Variants in KSR2 observed in about 807,000 individuals in gnomAD.
KSR2 encodes the protein kinase suppressor of ras 2.
A neutral mutation model predicts 107.8 loss-of-function variants in KSR2; 25 were observed. The ratio of observed to expected loss-of-function variants is 0.23; its 90% CI spans 0.17 to 0.32. KSR2 has a LOEUF of 0.32. Ranked by LOEUF, KSR2 falls within the 10% of genes least tolerant of loss-of-function variation. KSR2 has a pLI of 1.00. For synonymous variants in KSR2, 480 were observed against 507.0 expected, an observed-to-expected ratio of 0.95 and a Z score of 0.71; for missense variants, 887 against 1,268.9, an observed-to-expected ratio of 0.70 and a Z score of 4.57.
chr12:117,521,503 C>T (rs1565882006), intron 14 of KSR2, among the ~76,000 whole-genome samples: 1 of 152,172 alleles, frequency 6.6e-6, no homozygotes, highest in South Asian at 2.1e-4. Context: ...AATCCCATAA[C>T]GACCCAATTG....
chr12:117,825,626 A>G (rs1381847173), intron 3 of KSR2, among the ~76,000 whole-genome samples: 5 of 151,964 alleles, frequency 3.3e-5, no homozygotes, highest in African/African-American at 9.7e-5. Flanking sequence ...TCTTCACAGT[A>G]TTTGTCAGAT....
chr12:117,595,896 G>T (rs1338697573), intron 5 of KSR2, among the ~76,000 whole-genome samples: 2 of 152,210 alleles, frequency 1.3e-5, no homozygotes, highest in East Asian at 1.9e-4. Context: ...TCTCAGAAGA[G>T]GGTGTTTGAC....
chr12:117,718,673 G>GGCTTCTGA (rs1887092223), intron 4 of KSR2, among the ~76,000 whole-genome samples: 1 of 152,178 alleles, frequency 6.6e-6, no homozygotes, highest in African/African-American at 2.4e-5. Context: ...CAGGCACCCT[G>GGCTTCTGA]CCATGAAGAT....
chr12:117,567,661 CAAA>C (rs57039581), intron 7 of KSR2, among the ~76,000 whole-genome samples: 4 of 134,938 alleles, frequency 3.0e-5, no homozygotes. Context: ...AGGCTTCTCG[CAAA>C]AAAAAAAAAA....
chr12:117,817,160 A>C (rs1593265876), intron 3 of KSR2, among the ~76,000 whole-genome samples: 1 of 152,168 alleles, frequency 6.6e-6, no homozygotes, highest in Non-Finnish European at 1.5e-5. Flanking sequence ...TTCATGAAAA[A>C]GTTTCAATAA....
intron 5 of KSR2, among the ~76,000 whole-genome samples, chr12:117,657,119 C>A (rs1288206129): frequency 6.6e-6 from 1 of 151,332 alleles, no homozygotes; most frequent in African/African-American, 2.4e-5. Context: ...CAGTAAGTAT[C>A]CATCCCATTT....
chr12:117,561,615 G>T (rs1878125259), intron 7 of KSR2, among the ~76,000 whole-genome samples: 1 of 152,198 alleles, frequency 6.6e-6, no homozygotes, highest in Non-Finnish European at 1.5e-5. Context: ...GGGGGTAGGT[G>T]TGGGTAAAGT....
chr12:117,800,912 C>T (rs1193280186), intron 3 of KSR2, among the ~76,000 whole-genome samples: 2 of 152,126 alleles, frequency 1.3e-5, no homozygotes, highest in Admixed American at 1.3e-4. Flanking sequence ...TATCCATGTC[C>T]CTGCAAAGGA....
intron 13 of KSR2, among the ~76,000 whole-genome samples, chr12:117,525,440 C>T (rs1313039249): frequency 2.0e-5 from 3 of 152,170 alleles, no homozygotes; most frequent in Non-Finnish European, 1.5e-5. Context: ...TCATCCACCT[C>T]TCTTGTGCTA....
At chr12:117,605,409 C>A (rs1264177217) in intron 5 of KSR2, among the ~76,000 whole-genome samples, 2 of 152,120 alleles carry the variant, frequency 1.3e-5, no homozygotes, top group South Asian at 2.1e-4. Flanking sequence ...TTTTTAAGTT[C>A]CAGGCTACAT....
intron 1 of KSR2, among the ~76,000 whole-genome samples, chr12:117,893,885 A>G (rs1178333782): frequency 1.3e-5 from 2 of 151,632 alleles, no homozygotes; most frequent in Non-Finnish European, 2.9e-5. Flanking sequence ...CATAGCCAGA[A>G]AAATCCACAA....
At chr12:117,766,308 C>A (rs1889224265) in intron 3 of KSR2, among the ~76,000 whole-genome samples, 1 of 152,168 alleles carries the variant, frequency 6.6e-6, no homozygotes, top group Non-Finnish European at 1.5e-5. Context: ...GGTCATATAT[C>A]ATATGATTCC....
intron 4 of KSR2, among the ~76,000 whole-genome samples, chr12:117,683,255 T>C (rs1433865826): frequency 6.6e-6 from 1 of 152,302 alleles, no homozygotes; most frequent in East Asian, 1.9e-4. Flanking sequence ...ATGTTTTCTT[T>C]TTATTTTTGT....
chr12:117,811,941 G>C (rs1566027433), intron 3 of KSR2, among the ~76,000 whole-genome samples: 1 of 152,196 alleles, frequency 6.6e-6, no homozygotes, highest in Non-Finnish European at 1.5e-5. Flanking sequence ...TTAGAAAAAA[G>C]TGTGGTTATT....
At chr12:117,737,455 A>G (rs953276317) in intron 4 of KSR2, among the ~76,000 whole-genome samples, 1 of 152,126 alleles carries the variant, frequency 6.6e-6, no homozygotes, top group Non-Finnish European at 1.5e-5. Flanking sequence ...TGTCATATCT[A>G]AGAACCATCT....
intron 17 of KSR2, among the ~76,000 whole-genome samples, chr12:117,471,849 T>C (rs1305711703): frequency 6.6e-6 from 1 of 152,154 alleles, no homozygotes; most frequent in Non-Finnish European, 1.5e-5. Flanking sequence ...TGAGACTGTA[T>C]GTAGGATTTG....
chr12:117,935,591 C>A (rs1403699773), intron 1 of KSR2, among the ~76,000 whole-genome samples: 1 of 152,006 alleles, frequency 6.6e-6, no homozygotes, highest in Non-Finnish European at 1.5e-5. Flanking sequence ...TGAAACCCCA[C>A]CTCTACTAAA....
intron 1 of KSR2, among the ~76,000 whole-genome samples, chr12:117,942,552 G>A (rs1896041989): frequency 6.7e-6 from 1 of 149,742 alleles, no homozygotes; most frequent in South Asian, 2.1e-4. Context: ...GTAGTAGTGG[G>A]ATCATGGCTC....
At chr12:117,627,273 T>C (rs572806584) in intron 5 of KSR2, among the ~76,000 whole-genome samples, 27 of 152,352 alleles carry the variant, frequency 1.8e-4, no homozygotes, top group African/African-American at 6.3e-4. Flanking sequence ...TGCCCATTAA[T>C]TGATGTAGTT....
Sources: allele counts gnomAD v4.1 joint callset (sites outside exome capture counted in the v4.1 genomes callset), GRCh38; gene constraint gnomAD v4.1.1; transcripts MANE v1.5; gene names NCBI Gene and HGNC (gene_info 2026-07-23, HGNC 2026-07-21).